Variants in CPQ observed in about 807,000 individuals in gnomAD.
The protein encoded by CPQ is Ser-Met dipeptidase.
CPQ carries 37 observed loss-of-function variants against 45.7 expected under a neutral mutation model. The observed-to-expected ratio is 0.81, with a 90% CI of 0.62 to 1.07. The LOEUF is 1.07. CPQ is among the 50% of genes least tolerant of loss of function. CPQ has a pLI of 0.00. For synonymous variants in CPQ, 186 were observed against 205.8 expected, an observed-to-expected ratio of 0.90 and a Z score of 0.82; for missense variants, 537 against 572.9, an observed-to-expected ratio of 0.94 and a Z score of 0.64.
rs569201720 is a variant in CPQ, at chr8:96,987,728, T to C, written c.961+21682T>C. Among the ~76,000 whole-genome samples the C allele has an allele frequency of 3.3e-5, 5 of 152,364 alleles. No individual in the cohort carries two copies. In the East Asian group the frequency reaches 9.6e-4, roughly 29 times the overall value. ...CTGATAACTCAGAGAACTTTTAACC[T>C]AGGCAATCTTCATGTGAGTTCCATT... On this transcript the variant is annotated intron_variant, in intron 5 of 7. Coordinates refer to ENST00000220763, the MANE Select transcript of CPQ (RefSeq NM_016134.4).
intron 2 of CPQ, among the ~76,000 whole-genome samples, chr8:96,823,554 G>A (rs989130654): frequency 2.0e-5 from 3 of 152,022 alleles, no homozygotes; most frequent in East Asian, 1.9e-4. Flanking sequence ...ATTATCTGTA[G>A]CGTTATTTTA....
chr8:96,914,457 G>A (rs1333535361), intron 4 of CPQ, among the ~76,000 whole-genome samples: 1 of 152,176 alleles, frequency 6.6e-6, no homozygotes, highest in Non-Finnish European at 1.5e-5. Flanking sequence ...TAAACACTGT[G>A]AGGTTGGCTG....
At chr8:97,023,141 A>C (rs1052280730) in intron 5 of CPQ, among the ~76,000 whole-genome samples, 1 of 149,850 alleles carries the variant, frequency 6.7e-6, no homozygotes, top group African/African-American at 2.4e-5. Flanking sequence ...ATGTTACTCA[A>C]CCATAAAAAC....
intron 6 of CPQ, among the ~76,000 whole-genome samples, chr8:97,046,784 T>TC (rs1298425573): frequency 6.6e-6 from 1 of 152,130 alleles, no homozygotes; most frequent in Non-Finnish European, 1.5e-5. Context: ...CAGTGTTTTT[T>TC]CCCCTCCAAA....
At chr8:97,109,255 T>C (rs1811461548) in intron 7 of CPQ, among the ~76,000 whole-genome samples, 1 of 152,154 alleles carries the variant, frequency 6.6e-6, no homozygotes, top group Non-Finnish European at 1.5e-5. Flanking sequence ...TTTCCCACAT[T>C]GGCAATGATC....
intron 5 of CPQ, among the ~76,000 whole-genome samples, chr8:97,024,191 C>A (rs375950496): frequency 1.3e-5 from 2 of 152,132 alleles, no homozygotes; most frequent in Admixed American, 1.3e-4. Context: ...GCTTCCAGGA[C>A]CTTCCCTGCT....
At chr8:96,733,821 G>A (rs1035348167) in intron 1 of CPQ, among the ~76,000 whole-genome samples, 3 of 152,124 alleles carry the variant, frequency 2.0e-5, no homozygotes, top group Admixed American at 6.6e-5. Flanking sequence ...CCATATTGAA[G>A]TGCTCAATAG....
intron 7 of CPQ, among the ~76,000 whole-genome samples, chr8:97,083,607 C>T (rs1280632093): frequency 6.6e-6 from 1 of 152,132 alleles, no homozygotes; most frequent in Non-Finnish European, 1.5e-5. Context: ...CAAAGAATGC[C>T]TCTAGGGATT....
chr8:96,724,031 C>A (rs1232035718), intron 1 of CPQ, among the ~76,000 whole-genome samples: 1 of 152,036 alleles, frequency 6.6e-6, no homozygotes, highest in Non-Finnish European at 1.5e-5. Flanking sequence ...ACCTCACCAA[C>A]CTATCTCTCT....
chr8:96,990,134 C>T (rs751032535), intron 5 of CPQ, among the ~76,000 whole-genome samples: 4 of 152,148 alleles, frequency 2.6e-5, no homozygotes, highest in Non-Finnish European at 5.9e-5. Flanking sequence ...CTCCTCTGCT[C>T]AGCACATCAC....
chr8:96,698,264 A>G (rs1039131318), intron 1 of CPQ, among the ~76,000 whole-genome samples: 1 of 152,190 alleles, frequency 6.6e-6, no homozygotes, highest in African/African-American at 2.4e-5. Context: ...AGTCTCTTCA[A>G]TAAGTGGTGC....
intron 1 of CPQ, among the ~76,000 whole-genome samples, chr8:96,672,851 A>T (rs180700165): frequency 3.4e-4 from 51 of 152,050 alleles, no homozygotes; most frequent in Admixed American, 2.4e-3. Context: ...ATTTTTTTTT[A>T]AAATGTTAGA....
rs76225316 is a variant in CPQ, at chr8:96,748,572, C to A, written c.-34-36292C>A. Among the ~76,000 whole-genome samples, 1,416 of 151,836 alleles carry A rather than the reference C, an allele frequency of 9.3e-3. 12 individuals are homozygous for A. The highest frequency in any genetic ancestry group is 0.017 in the South Asian group (83 of 4,816). ...AGCATTTATTAATAATAAAAAAAAA[C>A]CAAGCACTGGATTTAGTTTGGCTCT... On this transcript the variant is annotated intron_variant, in intron 1 of 7. Coordinates refer to ENST00000220763, the MANE Select transcript of CPQ (RefSeq NM_016134.4).
intron 1 of CPQ, among the ~76,000 whole-genome samples, chr8:96,725,901 G>A (rs1366685873): frequency 2.6e-5 from 4 of 152,104 alleles, no homozygotes; most frequent in African/African-American, 9.7e-5. Flanking sequence ...ATACTACACA[G>A]CCATAAAAAA....
At chr8:96,920,937 C>T (rs963427894) in intron 4 of CPQ, among the ~76,000 whole-genome samples, 1 of 152,284 alleles carries the variant, frequency 6.6e-6, no homozygotes, top group African/African-American at 2.4e-5. Context: ...GTTACAGCAG[C>T]TAAGCAAACT....
At chr8:96,660,530 A>G (rs1371330189) in intron 1 of CPQ, among the ~76,000 whole-genome samples, 3 of 152,214 alleles carry the variant, frequency 2.0e-5, no homozygotes, top group Non-Finnish European at 4.4e-5. Context: ...TCATGAATGT[A>G]TAATGGATCA....
intron 4 of CPQ, among the ~76,000 whole-genome samples, chr8:96,953,561 C>G (rs1030424885): frequency 3.9e-5 from 6 of 152,156 alleles, no homozygotes; most frequent in Non-Finnish European, 7.4e-5. Context: ...AAAATCCTGT[C>G]AGTTCTTTTC....
chr8:96,940,856 G>A (rs2130323010), intron 4 of CPQ, among the ~76,000 whole-genome samples: 1 of 152,198 alleles, frequency 6.6e-6, no homozygotes, highest in East Asian at 1.9e-4. Flanking sequence ...CTTTATCGAT[G>A]CCTTCAGGAG....
rs541204958 is a variant in CPQ at position 97,006,064 on chromosome 8, A to G, written c.962-23339A>G. Among the ~76,000 whole-genome samples the G allele has an allele frequency of 1.4e-4, 22 of 152,320 alleles. No homozygotes were observed. The South Asian group carries it at 2.7e-3, about 19-fold the overall frequency. On this transcript the variant is annotated intron_variant, in intron 5 of 7. Transcript: ENST00000220763. ...AAGGGAAGCAATTTAAGCAAGGCAG[A>G]CAGTGCTGCTAACAGAGACCATACA...
Sources: allele counts gnomAD v4.1 joint callset (sites outside exome capture counted in the v4.1 genomes callset), GRCh38; gene constraint gnomAD v4.1.1; transcripts MANE v1.5; gene names NCBI Gene and HGNC (gene_info 2026-07-23, HGNC 2026-07-21).